Variants in NUP160 observed in about 807,000 individuals in gnomAD.
The protein encoded by NUP160 is nucleoporin 160.
Under a neutral mutation model 196.9 loss-of-function variants are expected in NUP160, and 94 were observed. The observed-to-expected ratio is 0.48, with a 90% CI of 0.40 to 0.57. NUP160 has a LOEUF of 0.57. Among genes scored for constraint, NUP160 ranks in the 20% least tolerant of loss-of-function variants. The probability of loss-of-function intolerance (pLI) is 0.00; values close to 1 mark genes in which losing one functional copy is unlikely to be tolerated. For synonymous variants in NUP160, 605 were observed against 619.7 expected (o/e 0.98, Z 0.35); for missense variants, 1,638 against 1,748.3 (o/e 0.94, Z 1.13).
intron 7 of NUP160, among the ~76,000 whole-genome samples, chr11:47,831,894 C>CTTTTTTTTTTTTT (rs554204043): frequency 7.1e-5 from 5 of 69,980 alleles, no homozygotes; most frequent in African/African-American, 3.1e-4. Context: ...TAATAAATTC[C>CTTTTTTTTTTTTT]TTTTTTTTTT....
intron 1 of NUP160, 57 bp downstream of exon 1, chr11:47,848,162 C>T: frequency 3.8e-6 from 6 of 1,587,404 alleles, no homozygotes; most frequent in Non-Finnish European, 5.2e-6. Flanking sequence ...CCCTGGGACC[C>T]ATGAGAGGAG....
intron 17 of NUP160, among the ~76,000 whole-genome samples, chr11:47,810,625 C>A (rs905496523): frequency 2.6e-5 from 4 of 151,564 alleles, no homozygotes; most frequent in South Asian, 2.1e-4. Context: ...TGCCTCACTG[C>A]AAACTCTGCC....
intron 7 of NUP160, among the ~76,000 whole-genome samples, chr11:47,831,842 C>CAA (rs372159602): frequency 4.8e-4 from 32 of 66,678 alleles, no homozygotes; most frequent in African/African-American, 2.2e-3. Context: ...GACTCTCTCT[C>CAA]AAAAAAAAAA....
At chr11:47,809,287 GAC>G (rs1316878022) in intron 17 of NUP160, among the ~76,000 whole-genome samples, 1 of 145,400 alleles carries the variant, frequency 6.9e-6, no homozygotes, top group African/African-American at 2.5e-5. Context: ...GAATTGAAGA[GAC>G]ACAGGGAAAT....
chr11:47,837,938 A>G (rs1274076805), intron 4 of NUP160, among the ~76,000 whole-genome samples: 1 of 152,254 alleles, frequency 6.6e-6, no homozygotes, highest in South Asian at 2.1e-4. Flanking sequence ...TGCCAGGCAC[A>G]GTTCTAGATG....
chr11:47,812,262 GT>G (rs771746143), intron 16 of NUP160, 38 bp from the exon 17 acceptor site: 5 of 1,613,672 alleles, frequency 3.1e-6, no homozygotes, highest in Non-Finnish European at 4.2e-6. Context: ...ATGCATCATT[GT>G]TTTAATCAAA....
chr11:47,848,208 C>A lies in NUP160; in HGVS notation c.202+11G>T. 2 of 1,614,134 alleles carry A rather than the reference C, an allele frequency of 1.2e-6. No individual in the cohort carries two copies. The highest frequency in any genetic ancestry group is 1.7e-6 in the Non-Finnish European group (2 of 1,179,992). The stretch of plus-strand genomic sequence containing the variant: ...CAGATGGGATCGCACCCTCCCTGGC[C>A]ATTTCCGTACCAATGCTGCAGACTG... On this transcript the variant is annotated intron_variant, in intron 1 of 35. Transcript: ENST00000378460.
chr11:47,788,104 TGAC>T (rs1025628691), intron 31 of NUP160, 75 bp downstream of exon 31: 1 of 1,239,982 alleles, frequency 8.1e-7, no homozygotes, highest in African/African-American at 1.5e-5. Context: ...ACTTGGCTTA[TGAC>T]GACTGTTTCA....
chr11:47,836,799 A>G, intron 6 of NUP160, 88 bp downstream of exon 6: 1 of 767,604 alleles, frequency 1.3e-6, no homozygotes, highest in Non-Finnish European at 2.3e-6. Flanking sequence ...TTGATCTAAT[A>G]ATCTTTAGAG....
chr11:47,807,309 T>C lies in NUP160; in HGVS notation c.2376-169A>G, dbSNP rs574358968. ...TCATTATAATATAGATTGTTGCCCATAATATCACTTCGTGACCCTTCAATG... is the reference window on the plus strand; with the variant it reads ...TCATTATAATATAGATTGTTGCCCACAATATCACTTCGTGACCCTTCAATG... On this transcript the variant is annotated intron_variant, in intron 18 of 35. Coordinates refer to ENST00000378460, the Ensembl canonical transcript of NUP160. Among the ~76,000 whole-genome samples, 5 of 152,286 alleles carry C rather than the reference T, an allele frequency of 3.3e-5. No homozygotes were observed. The East Asian group carries it at 7.7e-4, about 23-fold the overall frequency.
chr11:47,827,084 A>C (rs28813676), intron 7 of NUP160: 1 of 455,774 alleles, frequency 2.2e-6, no homozygotes, highest in Non-Finnish European at 4.4e-6. Context: ...CGAAAAATTC[A>C]GGCTGGGTGC....
At position 47,824,043 on chromosome 11, in the gene NUP160, A is replaced by ATG. The variant is rs1565203489; in HGVS notation, c.1102-1880_1102-1879insCA. ...TATATATATATATATATATATATAT[A>ATG]TATATATATACACACACACATAGAA... On this transcript the variant is annotated intron_variant, in intron 7 of 35. Coordinates refer to ENST00000378460, the Ensembl canonical transcript of NUP160. 2.8e-4 allele frequency among the ~76,000 whole-genome samples: 35 copies of ATG among 125,086 alleles called. 1 individual carries two copies. The highest frequency in any genetic ancestry group is 6.6e-4 in the African/African-American group (22 of 33,580). The allele number at this position is 125,086 out of a possible 152,430, so 82.1% of individuals were successfully genotyped here. A position where few individuals can be genotyped will look rare whatever the true frequency, so the allele number is the denominator to read the frequency against.
intron 17 of NUP160, among the ~76,000 whole-genome samples, chr11:47,811,767 C>G (rs2097681298): frequency 6.6e-6 from 1 of 152,114 alleles, no homozygotes; most frequent in Non-Finnish European, 1.5e-5. Context: ...CTGCACAGAT[C>G]AACCCAACAC....
rs953715616 is a variant in NUP160, at chr11:47,824,019, A to G, written c.1102-1855T>C. ...TTTCAATTCTTTTGCATATATATAT[A>G]TATATATATATATATATATATATAT... On this transcript the variant is annotated intron_variant, in intron 7 of 35. Coordinates refer to ENST00000378460, the Ensembl canonical transcript of NUP160. 1.9e-3 allele frequency among the ~76,000 whole-genome samples: 128 copies of G among 68,596 alleles called. 2 individuals are homozygous for G. Among genetic ancestry groups the G allele is most frequent in the African/African-American group, 5.0e-3 (119 of 23,670 alleles). 45.0% of individuals were successfully genotyped at this position (68,596 alleles called of 152,430 possible).
At chr11:47,781,356 G>C (rs906822029) in intron 34 of NUP160, among the ~76,000 whole-genome samples, 3 of 151,752 alleles carry the variant, frequency 2.0e-5, no homozygotes. Context: ...TCAACCTCCA[G>C]GGCTCATGTG....
intron 34 of NUP160, among the ~76,000 whole-genome samples, chr11:47,780,771 G>A (rs901247519): frequency 2.0e-5 from 3 of 151,576 alleles, no homozygotes; most frequent in Non-Finnish European, 2.9e-5. Flanking sequence ...CAAACTCCTG[G>A]CCTCAAGTGA....
intron 12 of NUP160, 62 bp downstream of exon 12, chr11:47,815,884 G>T: frequency 7.7e-7 from 1 of 1,300,882 alleles, no homozygotes; most frequent in Non-Finnish European, 1.1e-6. Flanking sequence ...TCCTCGGTCA[G>T]TACCAATCTG....
In NUP160 at chr11:47,811,487, A is replaced by G. The variant is rs2097681087; in HGVS notation, c.2241+577T>C. On this transcript the variant is annotated intron_variant, in intron 17 of 35. Coordinates refer to ENST00000378460, the Ensembl canonical transcript of NUP160. ...CAACAGAGCAAGATTGTCTCAAGAA[A>G]AAAAAAAAAAGAGAGAGAGACAGGA... Among the ~76,000 whole-genome samples, 12 of 151,620 alleles carry G rather than the reference A, an allele frequency of 7.9e-5. No homozygotes were observed. The South Asian group carries it at 2.5e-3, about 32-fold the overall frequency.
exon 28 of NUP160, chr11:47,792,890 G>A (rs556166169): frequency 2.1e-5 from 34 of 1,613,876 alleles, no homozygotes; most frequent in Admixed American, 6.7e-5. Flanking sequence ...TCAAGTCCCC[G>A]GAGAGTTCGA....
Sources: gnomAD v4.1 joint callset for allele counts (sites outside exome capture counted in the v4.1 genomes callset) on GRCh38, gnomAD v4.1.1 for gene constraint, MANE v1.5 for transcripts, NCBI Gene and HGNC (gene_info 2026-07-23, HGNC 2026-07-21) for gene names.